The following ANXA11 variants were observed in gnomAD, a reference collection of about 807,000 sequenced individuals.
ANXA11 encodes annexin A11.
Under a neutral mutation model 64.7 loss-of-function variants are expected in ANXA11, and 57 were observed. That is an observed-to-expected ratio of 0.88 (90% CI 0.71 to 1.10). The LOEUF is 1.10. Among genes scored for constraint, ANXA11 ranks in the 50% least tolerant of loss-of-function variants. The pLI is 0.00. For missense variants in ANXA11, 675 were observed against 670.7 expected, an observed-to-expected ratio of 1.01 and a Z score of -0.07; for synonymous variants, 260 against 265.2, an observed-to-expected ratio of 0.98 and a Z score of 0.19.
At chr10:80,192,244 AG>A (rs1234999423) in intron 1 of ANXA11, among the ~76,000 whole-genome samples, 1 of 152,242 alleles carries the variant, frequency 6.6e-6, no homozygotes, top group East Asian at 1.9e-4. Flanking sequence ...AACACACCGA[AG>A]GGGGAAGAGA....
chr10:80,161,820 GAGGCGAA>G, intron 12 of ANXA11, 108 bp downstream of exon 12: 1 of 849,542 alleles, frequency 1.2e-6, no homozygotes, highest in East Asian at 2.5e-5. Context: ...CTCTTTTGAG[GAGGCGAA>G]AGCCCCACGC....
At chr10:80,189,850 A>G (rs561624112) in intron 1 of ANXA11, among the ~76,000 whole-genome samples, 2 of 152,370 alleles carry the variant, frequency 1.3e-5, no homozygotes, top group Admixed American at 1.3e-4. Context: ...AGTAGTCAAA[A>G]GGTGGAAACA....
At chr10:80,176,510 A>T (rs1176676780) in intron 1 of ANXA11, among the ~76,000 whole-genome samples, 1 of 152,232 alleles carries the variant, frequency 6.6e-6, no homozygotes, top group Non-Finnish European at 1.5e-5. Context: ...CTTCCGGTTT[A>T]GATCTGTTCC....
intron 1 of ANXA11, among the ~76,000 whole-genome samples, chr10:80,188,985 C>T (rs565523399): frequency 9.7e-4 from 148 of 152,214 alleles, no homozygotes; most frequent in Non-Finnish European, 1.0e-3. Context: ...GAGGGCTTTT[C>T]AGAGCCTGAA....
At chr10:80,165,385 G>A (rs1845680172) in intron 8 of ANXA11, among the ~76,000 whole-genome samples, 1 of 152,214 alleles carries the variant, frequency 6.6e-6, no homozygotes, top group South Asian at 2.1e-4. Context: ...GGACTGCACA[G>A]AATGGACAGG....
intron 2 of ANXA11, among the ~76,000 whole-genome samples, chr10:80,175,048 C>T (rs574618619): frequency 6.6e-6 from 1 of 152,308 alleles, no homozygotes; most frequent in South Asian, 2.1e-4. Context: ...CAAGGACCTA[C>T]TCCTTGCAGT....
intron 5 of ANXA11, 108 bp from the exon 6 acceptor site, chr10:80,167,421 A>G: frequency 1.1e-6 from 1 of 951,694 alleles, no homozygotes; most frequent in Non-Finnish European, 1.6e-6. Flanking sequence ...TAAGAGTTGG[A>G]GTATCTAAAG....
At chr10:80,157,047 T>A in intron 15 of ANXA11, 16 of 985,378 alleles carry the variant, frequency 1.6e-5, no homozygotes, top group Non-Finnish European at 1.8e-5. Context: ...TAGTGTTTAA[T>A]AGACACTTGA....
At chr10:80,190,866 G>C (rs764253086) in intron 1 of ANXA11, among the ~76,000 whole-genome samples, 1 of 151,452 alleles carries the variant, frequency 6.6e-6, no homozygotes, top group South Asian at 2.1e-4. Context: ...CAAGGTGGGC[G>C]GACTGCATGA....
At chr10:80,186,447 CT>C in intron 1 of ANXA11, among the ~76,000 whole-genome samples, 1 of 152,248 alleles carries the variant, frequency 6.6e-6, no homozygotes, top group East Asian at 1.9e-4. Context: ...GCGCTGTTTT[CT>C]TTCCATCCCC....
chr10:80,167,340 G>A, intron 5 of ANXA11, 27 bp from the exon 6 acceptor site: 1 of 1,606,654 alleles, frequency 6.2e-7, no homozygotes. Context: ...TCTCAGGTAA[G>A]ATGTCGTGCA....
intron 1 of ANXA11, among the ~76,000 whole-genome samples, chr10:80,182,202 T>C (rs1202512050): frequency 1.5e-5 from 2 of 136,970 alleles, no homozygotes; most frequent in East Asian, 2.5e-4. Context: ...GGAGTGCTAA[T>C]GGCGGGGGGT....
chr10:80,164,038 A>AGGGCAGT lies in ANXA11; in HGVS notation c.949+14_949+15insACTGCCC. 6.2e-7 allele frequency: 1 copy of AGGGCAGT among 1,610,212 alleles called. No homozygotes were observed. The highest frequency in any genetic ancestry group is 1.7e-5 in the Admixed American group (1 of 59,956). The stretch of plus-strand genomic sequence containing the variant: ...GCAGAGGGCAGAGGGCAGAGGGCAG[A>AGGGCAGT]GGGAGCGGCCTCACCTGCTTTGTAG... On this transcript the variant is annotated intron_variant, in intron 9 of 15. Transcript: ENST00000422982.
intron 1 of ANXA11, chr10:80,181,310 A>T (rs1293552640): frequency 6.6e-6 from 1 of 152,116 alleles, no homozygotes; most frequent in Non-Finnish European, 1.5e-5. Flanking sequence ...CAAAAAAATT[A>T]GCCGAGCACC....
At chr10:80,159,290 C>G in intron 12 of ANXA11, 95 bp from the exon 13 acceptor site, 1 of 979,758 alleles carries the variant, frequency 1.0e-6, no homozygotes, top group Non-Finnish European at 1.6e-6. Flanking sequence ...CAGAATATAA[C>G]CGTGTTTGGA....
intron 1 of ANXA11, among the ~76,000 whole-genome samples, chr10:80,182,037 G>C (rs550263361): frequency 3.9e-5 from 6 of 152,276 alleles, no homozygotes; most frequent in Middle Eastern, 3.4e-3. Context: ...AAGCACCCAA[G>C]GTTACACACT....
intron 1 of ANXA11, among the ~76,000 whole-genome samples, chr10:80,186,532 G>A (rs960245399): frequency 3.3e-5 from 5 of 152,190 alleles, no homozygotes; most frequent in African/African-American, 1.2e-4. Context: ...GACTGATGGT[G>A]GAGGGAGGCC....
At chr10:80,181,737 T>C (rs2132453654) in intron 1 of ANXA11, among the ~76,000 whole-genome samples, 1 of 152,268 alleles carries the variant, frequency 6.6e-6, no homozygotes, top group East Asian at 1.9e-4. Flanking sequence ...AACAATAAGA[T>C]ACTACTATAC....
At chr10:80,166,673 G>T (rs1395460232) in intron 7 of ANXA11, 2 of 579,134 alleles carry the variant, frequency 3.5e-6, no homozygotes, top group African/African-American at 3.7e-5. Context: ...TAGAACCCAG[G>T]GATAGATGTC....
Sources: gnomAD v4.1 joint callset for allele counts (sites outside exome capture counted in the v4.1 genomes callset) on GRCh38, gnomAD v4.1.1 for gene constraint, MANE v1.5 for transcripts, NCBI Gene and HGNC (gene_info 2026-07-23, HGNC 2026-07-21) for gene names.